Variants in SLC30A6 observed in about 807,000 individuals in gnomAD.
SLC30A6 encodes solute carrier family 30 member 6.
Under a neutral mutation model 63.0 loss-of-function variants are expected in SLC30A6, and 55 were observed. The ratio of observed to expected loss-of-function variants is 0.87; its 90% CI spans 0.70 to 1.09. SLC30A6 has a LOEUF of 1.09. SLC30A6 is among the 50% of genes least tolerant of loss of function. The pLI, the probability that SLC30A6 is intolerant of heterozygous loss-of-function variation, is 0.00. For missense variants in SLC30A6, 587 were observed against 549.2 expected (o/e 1.07, Z -0.69); for synonymous variants, 224 against 186.1 (o/e 1.20, Z -1.66).
intron 1 of SLC30A6, among the ~76,000 whole-genome samples, chr2:32,168,093 A>T (rs1646205810): frequency 1.3e-5 from 2 of 152,210 alleles, no homozygotes; most frequent in African/African-American, 2.4e-5. Context: ...TGCTTGAAAC[A>T]TTAGTATTAG....
chr2:32,180,866 G>T (rs977684056), intron 4 of SLC30A6, among the ~76,000 whole-genome samples: 15 of 152,116 alleles, frequency 9.9e-5, no homozygotes, highest in African/African-American at 3.6e-4. Flanking sequence ...ATGTCTTAAG[G>T]TTCATAAGGA....
intron 7 of SLC30A6, among the ~76,000 whole-genome samples, chr2:32,193,162 G>T (rs1290309937): frequency 6.6e-6 from 1 of 152,072 alleles, no homozygotes; most frequent in Non-Finnish European, 1.5e-5. Flanking sequence ...TACACAGGAA[G>T]GCCTTTCTAT....
chr2:32,215,516 A>G, intron 13 of SLC30A6, among the ~76,000 whole-genome samples: 1 of 132,504 alleles, frequency 7.5e-6, no homozygotes, highest in East Asian at 2.1e-4. Flanking sequence ...ATATATATAT[A>G]TTTTTTTTTT....
At chr2:32,201,553 A>G (rs1487723237) in intron 10 of SLC30A6, 2 of 1,047,578 alleles carry the variant, frequency 1.9e-6, no homozygotes, top group Non-Finnish European at 2.7e-6. Context: ...TGCTGCATGT[A>G]GGTGGTTGTG....
chr2:32,168,716 C>A (rs1464307878), intron 1 of SLC30A6, among the ~76,000 whole-genome samples: 1 of 152,090 alleles, frequency 6.6e-6, no homozygotes, highest in Non-Finnish European at 1.5e-5. Context: ...ACAGATCTGG[C>A]CTTTTCACGC....
At chr2:32,205,243 A>G (rs1684649203) in intron 11 of SLC30A6, among the ~76,000 whole-genome samples, 1 of 152,072 alleles carries the variant, frequency 6.6e-6, no homozygotes, top group African/African-American at 2.4e-5. Flanking sequence ...ACATGGTGAA[A>G]CCCTGTCTCT....
At chr2:32,187,239 C>A in intron 5 of SLC30A6, 1 of 470,986 alleles carries the variant, frequency 2.1e-6, no homozygotes, top group Non-Finnish European at 4.4e-6. Context: ...GACCTTAATT[C>A]ACACCTTCTC....
At chr2:32,181,867 C>CA (rs951134556) in intron 4 of SLC30A6, among the ~76,000 whole-genome samples, 53 of 123,092 alleles carry the variant, frequency 4.3e-4, no homozygotes, top group Admixed American at 2.0e-3. Flanking sequence ...GACTCCGTCT[C>CA]AAAAAAAAAA....
intron 4 of SLC30A6, among the ~76,000 whole-genome samples, chr2:32,178,773 C>T (rs1422939458): frequency 6.6e-6 from 1 of 152,178 alleles, no homozygotes; most frequent in Non-Finnish European, 1.5e-5. Flanking sequence ...GTATGTCTGT[C>T]CTTTATGCCA....
intron 5 of SLC30A6, among the ~76,000 whole-genome samples, chr2:32,186,134 G>A (rs76500598): frequency 0.011 from 1,627 of 151,740 alleles, 13 homozygotes; most frequent in South Asian, 0.018. Flanking sequence ...TACCAGATTC[G>A]ATCAATTCTT....
chr2:32,169,674 T>G (rs907233544), intron 1 of SLC30A6, among the ~76,000 whole-genome samples: 2 of 152,160 alleles, frequency 1.3e-5, no homozygotes, highest in Non-Finnish European at 2.9e-5. Flanking sequence ...AGCTACTCCT[T>G]CACCGCAGAA....
intron 13 of SLC30A6, among the ~76,000 whole-genome samples, chr2:32,210,515 CAAAAAAA>C (rs3040860): frequency 0.25 from 22,746 of 89,866 alleles, 1,615 homozygotes; most frequent in Middle Eastern, 0.39. Context: ...ACTCTGTCTC[CAAAAAAA>C]AAAAAAAAAA....
At chr2:32,197,870 G>A (rs1201060120) in intron 10 of SLC30A6, 44 bp downstream of exon 10, 1 of 1,607,010 alleles carries the variant, frequency 6.2e-7, no homozygotes. Flanking sequence ...GATTTCTGGG[G>A]ACTTACTTTT....
At position 32,175,317 on chromosome 2, in the gene SLC30A6, A is replaced by AAT. The variant is rs1558373161; in HGVS notation, c.176-2_176-1insAT. ...TTTAATCATTTTTTTGTTGTTTTGCAGCTTTAACTGCCTATACTTACCTGA... is the reference window on the plus strand; with the variant it reads ...TTTAATCATTTTTTTGTTGTTTTGCAATGCTTTAACTGCCTATACTTACCTGA... On this transcript the variant is annotated splice_acceptor_variant, in intron 3 of 13. Coordinates refer to ENST00000282587, the MANE Select transcript of SLC30A6 (RefSeq NM_017964.5). LOFTEE classifies it high-confidence loss of function. The AAT allele has an allele frequency of 6.2e-7, 1 of 1,610,032 alleles. No individual in the cohort carries two copies. Among genetic ancestry groups the AAT allele is most frequent in the Non-Finnish European group, 8.5e-7 (1 of 1,178,932 alleles).
chr2:32,200,960 C>T (rs1186093231), intron 10 of SLC30A6, among the ~76,000 whole-genome samples: 2 of 152,160 alleles, frequency 1.3e-5, no homozygotes, highest in Non-Finnish European at 2.9e-5. Context: ...CTATCTATTC[C>T]TGACCATTTG....
chr2:32,193,269 G>T (rs1003939411), intron 7 of SLC30A6, among the ~76,000 whole-genome samples: 3 of 151,974 alleles, frequency 2.0e-5, no homozygotes, highest in Non-Finnish European at 2.9e-5. Flanking sequence ...CAAAATCTTT[G>T]CATAGCACCT....
intron 5 of SLC30A6, among the ~76,000 whole-genome samples, chr2:32,189,794 A>G (rs1314200721): frequency 2.7e-5 from 4 of 150,182 alleles, no homozygotes; most frequent in Non-Finnish European, 5.9e-5. Context: ...ATATTTTTGG[A>G]GTCAGGGGTC....
chr2:32,220,830 T>G lies in SLC30A6; in HGVS notation c.*117T>G. On this transcript the variant is annotated 3_prime_UTR_variant, in exon 14 of 14. Coordinates refer to ENST00000282587, the MANE Select transcript of SLC30A6 (RefSeq NM_017964.5). ...CTCTAAATGTTAGATAATAGTAGTCTTGTTCACATTTCATGAAACCTATGA... is the reference window on the plus strand; with the variant it reads ...CTCTAAATGTTAGATAATAGTAGTCGTGTTCACATTTCATGAAACCTATGA... The G allele has an allele frequency of 1.1e-6, 1 of 918,418 alleles. No homozygotes were observed. Among genetic ancestry groups the G allele is most frequent in the South Asian group, 1.9e-5 (1 of 53,872 alleles). The allele number at this position is 918,418 out of a possible 1,614,324, so 56.9% of individuals were successfully genotyped here.
chr2:32,168,311 GTATT>G (rs895324375), intron 1 of SLC30A6, among the ~76,000 whole-genome samples: 18 of 151,426 alleles, frequency 1.2e-4, no homozygotes, highest in African/African-American at 4.4e-4. Flanking sequence ...CAGGGAAACA[GTATT>G]TAAGGTTTAT....
Sources: allele counts gnomAD v4.1 joint callset (sites outside exome capture counted in the v4.1 genomes callset), GRCh38; gene constraint gnomAD v4.1.1; transcripts MANE v1.5; gene names NCBI Gene and HGNC (gene_info 2026-07-23, HGNC 2026-07-21).